The following LANCL1 variants were observed in gnomAD, a reference collection of about 807,000 sequenced individuals.
LANCL1 encodes LanC like glutathione S-transferase 1.
Under a neutral mutation model 50.6 loss-of-function variants are expected in LANCL1, and 50 were observed. The ratio of observed to expected loss-of-function variants is 0.99; its 90% CI spans 0.79 to 1.25. LANCL1 has a LOEUF of 1.25. Ranked by LOEUF, LANCL1 falls within the 50% of genes most tolerant of loss-of-function variation. The pLI is 0.00. For synonymous variants in LANCL1, 188 were observed against 178.6 expected, an observed-to-expected ratio of 1.05 and a Z score of -0.42; for missense variants, 532 against 480.7, an observed-to-expected ratio of 1.11 and a Z score of -1.00.
intron 4 of LANCL1, among the ~76,000 whole-genome samples, chr2:210,453,504 C>G (rs764824172): frequency 6.6e-6 from 1 of 152,284 alleles, no homozygotes; most frequent in African/African-American, 2.4e-5. Context: ...AAATTCCCAT[C>G]TGTTTGAATC....
At position 210,461,553 on chromosome 2, in the gene LANCL1, C is replaced by T. The variant is rs1574435467; in HGVS notation, c.200-6239G>A. On this transcript the variant is annotated intron_variant, in intron 3 of 9. Coordinates refer to ENST00000450366, the MANE Select transcript of LANCL1 (RefSeq NM_006055.3). The stretch of plus-strand genomic sequence containing the variant: ...AGATCAGAGGAACAGCATCTTGAAA[C>T]ACTATAATGACTTGCATTTAGAGTG... 3.3e-5 allele frequency among the ~76,000 whole-genome samples: 5 copies of T among 152,240 alleles called. No homozygotes were observed. The South Asian group carries it at 1.0e-3, about 32-fold the overall frequency.
intron 3 of LANCL1, among the ~76,000 whole-genome samples, chr2:210,466,987 A>G (rs1408038509): frequency 1.3e-5 from 2 of 152,184 alleles, no homozygotes; most frequent in African/African-American, 2.4e-5. Flanking sequence ...TCAAGATATG[A>G]ATCTTGGAGA....
chr2:210,460,887 G>A (rs1693833883), intron 3 of LANCL1: 1 of 152,132 alleles, frequency 6.6e-6, no homozygotes, highest in Non-Finnish European at 1.5e-5. Context: ...TAAGTACTCT[G>A]AAGATGTGTC....
chr2:210,432,025 G>A lies in LANCL1; in HGVS notation c.*2462C>T, dbSNP rs927684856. 2 of 152,040 alleles carry A rather than the reference G, an allele frequency of 1.3e-5. No homozygotes were observed. The highest frequency in any genetic ancestry group is 4.8e-5 in the African/African-American group (2 of 41,388). The allele number at this position is 152,040 out of a possible 1,614,324, so 9.4% of individuals were successfully genotyped here. A position where few individuals can be genotyped will look rare whatever the true frequency, so the allele number is the denominator to read the frequency against. On this transcript the variant is annotated 3_prime_UTR_variant, in exon 10 of 10. Coordinates refer to ENST00000450366, the MANE Select transcript of LANCL1 (RefSeq NM_006055.3). The stretch of plus-strand genomic sequence containing the variant: ...AGAGATGATGGTATTGAGTTTTCTA[G>A]GAACCAACTTCTGGGAAAGATTTTT...
intron 3 of LANCL1, among the ~76,000 whole-genome samples, chr2:210,459,637 C>T (rs981752367): frequency 1.3e-5 from 2 of 152,034 alleles, no homozygotes; most frequent in African/African-American, 4.8e-5. Context: ...CTCTGAAGAC[C>T]AGGAATAGAT....
intron 4 of LANCL1, among the ~76,000 whole-genome samples, chr2:210,449,045 C>T (rs1156559949): frequency 2.0e-5 from 3 of 151,690 alleles, no homozygotes; most frequent in Non-Finnish European, 4.4e-5. Context: ...AGAGACACAA[C>T]AAAAAAAAGA....
At chr2:210,477,457 A>C, upstream of LANCL1, 2 of 1,173,178 alleles carry the variant, frequency 1.7e-6, no homozygotes, top group South Asian at 3.8e-5. Context: ...CACCTGGTAC[A>C]TATTAGGCCC....
intron 1 of LANCL1, 61 bp from the exon 2 acceptor site, chr2:210,476,473 G>A (rs754047246): frequency 1.3e-4 from 175 of 1,358,200 alleles, no homozygotes; most frequent in Non-Finnish European, 1.6e-4. Context: ...GAGTTGCGAG[G>A]GCGGCGGCGG....
chr2:210,464,391 T>G (rs1574438107), intron 3 of LANCL1, among the ~76,000 whole-genome samples: 1 of 152,244 alleles, frequency 6.6e-6, no homozygotes, highest in African/African-American at 2.4e-5. Flanking sequence ...AAGGAGTCAG[T>G]TTTTCAGTTC....
At chr2:210,475,467 G>A in intron 2 of LANCL1, among the ~76,000 whole-genome samples, 1 of 152,076 alleles carries the variant, frequency 6.6e-6, no homozygotes, top group East Asian at 1.9e-4. Context: ...AAGTAGCTGG[G>A]ACTACAAGCT....
intron 4 of LANCL1, among the ~76,000 whole-genome samples, chr2:210,449,258 A>G (rs1441781270): frequency 6.6e-6 from 1 of 152,208 alleles, no homozygotes; most frequent in Non-Finnish European, 1.5e-5. Context: ...AAACCACATG[A>G]CTATCTCAAT....
chr2:210,458,575 A>G (rs1254159371), intron 3 of LANCL1, among the ~76,000 whole-genome samples: 4 of 152,204 alleles, frequency 2.6e-5, no homozygotes, highest in Admixed American at 2.0e-4. Flanking sequence ...AGATCTTGTC[A>G]GAATGAACTG....
In LANCL1 at chr2:210,438,324, G is replaced by A. The variant is rs547903604; in HGVS notation, c.691-452C>T. Among the ~76,000 whole-genome samples, 219 of 151,988 alleles carry A rather than the reference G, an allele frequency of 1.4e-3. 2 individuals are homozygous for A. The highest frequency in any genetic ancestry group is 5.0e-3 in the African/African-American group (209 of 41,468). On this transcript the variant is annotated intron_variant, in intron 6 of 9. Transcript: ENST00000450366. ...TAATTTTTGTGTTTTTAGTAAAGAC[G>A]GGGTTTCACCATGTTGGCCAGGCTG...
rs1038916324 is a variant in LANCL1 at position 210,431,804 on chromosome 2, G to A, written c.*2683C>T. 12 of 152,288 alleles carry A rather than the reference G, an allele frequency of 7.9e-5. No individual in the cohort carries two copies. The highest frequency in any genetic ancestry group is 3.9e-4 in the East Asian group (2 of 5,184). The allele number at this position is 152,288 out of a possible 1,614,324, so 9.4% of individuals were successfully genotyped here. A position where few individuals can be genotyped will look rare whatever the true frequency, so the allele number is the denominator to read the frequency against. On this transcript the variant is annotated 3_prime_UTR_variant, in exon 10 of 10. Coordinates refer to ENST00000450366, the MANE Select transcript of LANCL1 (RefSeq NM_006055.3). Reference sequence around the variant, plus strand: ...GCCACATGACTCAGGATTAAAGACTGACAACTCAGGCCACACCGCCGTCCA... The same window carrying A: ...GCCACATGACTCAGGATTAAAGACTAACAACTCAGGCCACACCGCCGTCCA...
intron 3 of LANCL1, among the ~76,000 whole-genome samples, chr2:210,464,881 G>A (rs913184327): frequency 7.4e-5 from 11 of 148,298 alleles, no homozygotes; most frequent in Non-Finnish European, 1.5e-4. Flanking sequence ...CAGGAGAATG[G>A]CGTGAACCCG....
chr2:210,441,914 T>A (rs950744792), intron 4 of LANCL1, among the ~76,000 whole-genome samples: 2 of 152,098 alleles, frequency 1.3e-5, no homozygotes, highest in Non-Finnish European at 2.9e-5. Flanking sequence ...GTACATTTTT[T>A]TTTTTTTTTG....
rs374085522 is a variant in LANCL1, at chr2:210,435,448, C to A, written c.1062G>T (p.Trp354Cys). The A allele has an allele frequency of 8.7e-6, 14 of 1,613,200 alleles. No individual in the cohort carries two copies. Among genetic ancestry groups the A allele is most frequent in the Middle Eastern group, 3.3e-4 (2 of 6,078 alleles). ...YLYRACKFAE[W>C]CLEYGEHGCR... is the part of the protein sequence containing the mutation. ...ATCCATGTTCTCCATACTCTAAGCA[C>A]CATTCAGCAAACTGAAAATGAGACC... The change falls in exon 9 of 10, where the codon TGG becomes TGT. Residue 354 changes from tryptophan to cysteine, a missense_variant. Transcript: ENST00000450366.
At chr2:210,457,295 C>A (rs1163798140) in intron 3 of LANCL1, among the ~76,000 whole-genome samples, 1 of 152,144 alleles carries the variant, frequency 6.6e-6, no homozygotes, top group Non-Finnish European at 1.5e-5. Context: ...ACATTTAATA[C>A]CTCATCAGTA....
intron 2 of LANCL1, among the ~76,000 whole-genome samples, chr2:210,475,990 G>A (rs1455981257): frequency 6.6e-6 from 1 of 152,012 alleles, no homozygotes; most frequent in African/African-American, 2.4e-5. Context: ...AATACCGTTA[G>A]GATTCTTCAC....
Sources: allele counts gnomAD v4.1 joint callset (sites outside exome capture counted in the v4.1 genomes callset), GRCh38; gene constraint gnomAD v4.1.1; transcripts MANE v1.5; gene names NCBI Gene and HGNC (gene_info 2026-07-23, HGNC 2026-07-21).